SHPK: variants seen among roughly 807,000 people sequenced by gnomAD.
The protein encoded by SHPK is sedoheptulokinase.
Under a neutral mutation model 46.3 loss-of-function variants are expected in SHPK, and 51 were observed. The ratio of observed to expected loss-of-function variants is 1.10; its 90% CI spans 0.88 to 1.39. SHPK has a LOEUF of 1.39. SHPK is among the 40% of genes most tolerant of loss of function. SHPK has a pLI of 0.00. For synonymous variants in SHPK, 290 were observed against 273.9 expected (o/e 1.06, Z -0.58); for missense variants, 668 against 641.3 (o/e 1.04, Z -0.45).
intron 6 of SHPK, among the ~76,000 whole-genome samples, chr17:3,611,558 A>C (rs2075339748): frequency 6.6e-6 from 1 of 152,144 alleles, no homozygotes; most frequent in African/African-American, 2.4e-5. Flanking sequence ...AACAAGAGCA[A>C]GACTCCATCT....
intron 4 of SHPK, among the ~76,000 whole-genome samples, chr17:3,622,951 C>T (rs368930968): frequency 2.1e-4 from 32 of 152,042 alleles, no homozygotes; most frequent in Admixed American, 2.1e-3. Flanking sequence ...GTGATTCACC[C>T]GCCTCAGCCT....
At chr17:3,625,009 T>C (rs2075425140) in intron 2 of SHPK, among the ~76,000 whole-genome samples, 1 of 152,130 alleles carries the variant, frequency 6.6e-6, no homozygotes, top group Non-Finnish European at 1.5e-5. Flanking sequence ...CCGTCAGATT[T>C]TTTTTCATTT....
rs748853640 is a variant in SHPK, at chr17:3,610,729, C to T, written c.1268G>A (p.Gly423Asp). 6.2e-7 allele frequency: 1 copy of T among 1,614,150 alleles called. No homozygotes were observed. Among genetic ancestry groups the T allele is most frequent in the East Asian group, 2.2e-5 (1 of 44,878 alleles). The change falls in exon 7 of 7, where the codon GGC (glycine) becomes GAC (aspartate). Residue 423 changes from glycine (G) to aspartate (D), a missense_variant. By Grantham distance (94) the Gly-to-Asp change is moderately conservative. Transcript: ENST00000225519. The part of the protein sequence containing the change: ...MLPIQQLQEW[G>D]VERVMGSGSA... ...CCCACTGCCCATCACCCTCTCCACG[C>T]CCCACTCCTGGAGCTGCTGAATCGG...
At chr17:3,627,054 T>A (rs1336531257) in intron 2 of SHPK, among the ~76,000 whole-genome samples, 1 of 152,208 alleles carries the variant, frequency 6.6e-6, no homozygotes, top group Non-Finnish European at 1.5e-5. Context: ...TGAACATCTT[T>A]CCAGATGTTT....
rs1028887843 is a variant in SHPK at position 3,621,333 on chromosome 17, T to C, written c.727A>G (p.Met243Val). 7 of 1,613,984 alleles carry C rather than the reference T, an allele frequency of 4.3e-6. No homozygotes were observed. The highest frequency in any genetic ancestry group is 1.7e-5 in the Admixed American group (1 of 60,002). The stretch of plus-strand genomic sequence containing the variant: ...GTCCCCTTTGGGATTTCAAACCACA[T>C]GTGGGAAGTTCTGCCCGCCACACTG... Reference protein sequence around the residue: ...PGSVAGRTSHMWFEIPKGTQV... With the variant: ...PGSVAGRTSHVWFEIPKGTQV... The change falls in exon 5 of 7, where the codon ATG becomes GTG. Residue 243 changes from methionine (M) to valine (V), a missense_variant. Physicochemically the swap from Met to Val is conservative, Grantham distance 21. Transcript: ENST00000225519.
chr17:3,623,639 C>G, intron 3 of SHPK, 148 bp from the exon 4 acceptor site: 1 of 803,942 alleles, frequency 1.2e-6, no homozygotes, highest in Non-Finnish European at 2.1e-6. Context: ...CAGCTGGGTC[C>G]CTGGGATTAG....
At position 3,621,347 on chromosome 17, in the gene SHPK, C is replaced by A. The variant is rs1338273369; in HGVS notation, c.713G>T (p.Gly238Val). 1 of 1,614,126 alleles carries A rather than the reference C, an allele frequency of 6.2e-7. No individual in the cohort carries two copies. Among genetic ancestry groups the A allele is most frequent in the Non-Finnish European group, 8.5e-7 (1 of 1,180,010 alleles). The change falls in exon 5 of 7, where the codon GGC (glycine) becomes GTC (valine). Residue 238 changes from glycine (G) to valine (V), a missense_variant. Transcript: ENST00000225519. ...PDIAEPGSVA[G>V]RTSHMWFEIP... ...TTCAAACCACATGTGGGAAGTTCTG[C>A]CCGCCACACTGCCAGGCTCGGCGAT...
rs1597578457 is a variant in SHPK, at chr17:3,630,399, G to A, written c.169-53C>T. 6 of 1,545,256 alleles carry A rather than the reference G, an allele frequency of 3.9e-6. No individual in the cohort carries two copies. In the East Asian group the frequency reaches 1.1e-4, roughly 30 times the overall value. On this transcript the variant is annotated intron_variant, in intron 1 of 6. Coordinates refer to ENST00000225519, the MANE Select transcript of SHPK (RefSeq NM_013276.4). ...GGGGCAGACACACAGGCAGGGGGAGGGGCGCAGGCCTCCCGGGATGTCCTG... is the reference window on the plus strand; with the variant it reads ...GGGGCAGACACACAGGCAGGGGGAGAGGCGCAGGCCTCCCGGGATGTCCTG...
At chr17:3,629,356 T>G (rs932123594) in intron 2 of SHPK, among the ~76,000 whole-genome samples, 1 of 152,066 alleles carries the variant, frequency 6.6e-6, no homozygotes, top group African/African-American at 2.4e-5. Context: ...CAAGGCCAAA[T>G]AGAACAGGTT....
rs979942651 is a variant in SHPK at position 3,633,788 on chromosome 17, T to C, written c.168+2264A>G. Among the ~76,000 whole-genome samples, 12 of 152,144 alleles carry C rather than the reference T, an allele frequency of 7.9e-5. No individual in the cohort carries two copies. The South Asian group carries it at 1.2e-3, about 16-fold the overall frequency. On this transcript the variant is annotated intron_variant, in intron 1 of 6. Coordinates refer to ENST00000225519, the MANE Select transcript of SHPK (RefSeq NM_013276.4). ...AGTGTACCCAACAGCTCATTGAGAA[T>C]GGGCCATGATGACAATGGCGGTTTT...
At chr17:3,618,163 C>T (rs2456852) in intron 5 of SHPK, among the ~76,000 whole-genome samples, 307 of 152,116 alleles carry the variant, frequency 2.0e-3, no homozygotes, top group African/African-American at 7.3e-3. Flanking sequence ...CTGGAGTGCA[C>T]TGGCGCGATC....
intron 3 of SHPK, among the ~76,000 whole-genome samples, chr17:3,623,719 G>C (rs2075416335): frequency 6.6e-6 from 1 of 152,206 alleles, no homozygotes; most frequent in Non-Finnish European, 1.5e-5. Context: ...AGGAGGAAGT[G>C]TCAAGCCTGG....
At chr17:3,611,652 T>A (rs990842492) in intron 6 of SHPK, among the ~76,000 whole-genome samples, 5 of 151,996 alleles carry the variant, frequency 3.3e-5, no homozygotes, top group Admixed American at 3.3e-4. Context: ...CCAGGACCAA[T>A]CACTGAATGG....
chr17:3,616,962 C>G (rs2075374288), intron 5 of SHPK, among the ~76,000 whole-genome samples: 1 of 152,142 alleles, frequency 6.6e-6, no homozygotes, highest in East Asian at 1.9e-4. Flanking sequence ...TGGTCTCGAA[C>G]TCCTGACCTC....
rs2075367552 is a variant in SHPK, at chr17:3,615,583, G to C, written c.824-46C>G. 3 of 1,559,466 alleles carry C rather than the reference G, an allele frequency of 1.9e-6. No homozygotes were observed. In the South Asian group the frequency reaches 3.4e-5, roughly 18 times the overall value. On this transcript the variant is annotated intron_variant, in intron 5 of 6. Transcript: ENST00000225519. Reference sequence around the variant, plus strand: ...AGCTTAGGCCTGTCGGGCTAACTCAGAGGTCACAAGTCACAGTTTGGCAGT... The same window carrying C: ...AGCTTAGGCCTGTCGGGCTAACTCACAGGTCACAAGTCACAGTTTGGCAGT...
intron 5 of SHPK, among the ~76,000 whole-genome samples, chr17:3,618,387 A>G (rs66978254): frequency 0.68 from 103,076 of 151,810 alleles, 35,885 homozygotes; most frequent in East Asian, 1. Flanking sequence ...TTACAGGTGT[A>G]AGCCACCGCA....
intron 1 of SHPK, among the ~76,000 whole-genome samples, chr17:3,635,243 A>AAGGAAGGAAGGG (rs1567688970): frequency 0.011 from 1,669 of 147,052 alleles, 45 homozygotes; most frequent in African/African-American, 0.04. Context: ...GGAAGGAAGG[A>AAGGAAGGAAGGG]AGGGAAGGAA....
intron 2 of SHPK, among the ~76,000 whole-genome samples, chr17:3,629,833 C>T (rs2075459763): frequency 6.6e-6 from 1 of 151,928 alleles, no homozygotes; most frequent in African/African-American, 2.4e-5. Context: ...CATGTCCTGG[C>T]ATCTCCTGCA....
chr17:3,631,132 A>G (rs986793523), intron 1 of SHPK, among the ~76,000 whole-genome samples: 4 of 152,026 alleles, frequency 2.6e-5, no homozygotes, highest in Non-Finnish European at 5.9e-5. Context: ...AACAAAGAAG[A>G]GAAAGAAGGG....
Sources: gnomAD v4.1 joint callset for allele counts (sites outside exome capture counted in the v4.1 genomes callset) on GRCh38, gnomAD v4.1.1 for gene constraint, MANE v1.5 for transcripts, NCBI Gene and HGNC (gene_info 2026-07-23, HGNC 2026-07-21) for gene names.